The following GRAMD1A variants were observed in gnomAD, a reference collection of about 807,000 sequenced individuals.
GRAMD1A encodes protein Aster-A.
GRAMD1A carries 50 observed loss-of-function variants against 92.0 expected under a neutral mutation model. The observed-to-expected ratio is 0.54, with a 90% CI of 0.43 to 0.69. GRAMD1A has a LOEUF of 0.69. Ranked by LOEUF, GRAMD1A falls within the 30% of genes least tolerant of loss-of-function variation. The pLI, the probability that GRAMD1A is intolerant of heterozygous loss-of-function variation, is 0.00. For synonymous variants in GRAMD1A, 405 were observed against 403.6 expected, an observed-to-expected ratio of 1.00 and a Z score of -0.04; for missense variants, 819 against 978.9, an observed-to-expected ratio of 0.84 and a Z score of 2.18.
At chr19:35,022,820 C>T (rs920027920) in intron 16 of GRAMD1A, 80 bp from the exon 17 acceptor site, 11 of 1,479,494 alleles carry the variant, frequency 7.4e-6, no homozygotes, top group Admixed American at 2.0e-5. Context: ...AGAGCTGCCC[C>T]GGGTGAGGAG....
rs776804899 is a variant in GRAMD1A, at chr19:35,023,556, C to T, written c.2082+9C>T. The stretch of plus-strand genomic sequence containing the variant: ...TGGAGCTCCTGGATGAGGTAGGAGG[C>T]GCCGCTCGGGCAGGGCTCGGGGCTG... On this transcript the variant is annotated intron_variant, in intron 19 of 19. Coordinates refer to ENST00000317991, the MANE Select transcript of GRAMD1A (RefSeq NM_020895.5). The T allele has an allele frequency of 2.2e-5, 35 of 1,565,170 alleles. No homozygotes were observed. In the South Asian group the frequency reaches 2.6e-4, roughly 12 times the overall value.
rs557348063 is a variant in GRAMD1A, at chr19:35,012,308, C to T, written c.606+754C>T. ...CATGTCACCTTGCACTTCTCAGCACCATTGTCTTAAAAGGATGATGAGGTT... is the reference window on the plus strand; with the variant it reads ...CATGTCACCTTGCACTTCTCAGCACTATTGTCTTAAAAGGATGATGAGGTT... On this transcript the variant is annotated intron_variant, in intron 7 of 19. Coordinates refer to ENST00000317991, the MANE Select transcript of GRAMD1A (RefSeq NM_020895.5). 3.9e-5 allele frequency among the ~76,000 whole-genome samples: 6 copies of T among 152,368 alleles called. No individual in the cohort carries two copies. In the South Asian group the frequency reaches 1.0e-3, roughly 26 times the overall value.
At chr19:34,997,967 T>C (rs900321947), upstream of GRAMD1A, among the ~76,000 whole-genome samples, 12 of 151,174 alleles carry the variant, frequency 7.9e-5, no homozygotes, top group East Asian at 2.0e-3. Flanking sequence ...ATTCAGGAAG[T>C]TGGGGCAAGA....
In GRAMD1A at chr19:35,010,076, TC is replaced by T. The variant is rs773083805; in HGVS notation, c.326-12del. 1.3e-6 allele frequency: 2 copies of T among 1,578,488 alleles called. No homozygotes were observed. Among genetic ancestry groups the T allele is most frequent in the Non-Finnish European group, 8.7e-7 (1 of 1,147,550 alleles). ...CGTGACTTGGGTGTCCTCCTGTCTCTCCCCGCCCCTCTCAGATTACTCCTGC... is the reference window on the plus strand; with the variant it reads ...CGTGACTTGGGTGTCCTCCTGTCTCTCCCGCCCCTCTCAGATTACTCCTGC... On this transcript the variant is annotated splice_polypyrimidine_tract_variant and intron_variant, in intron 4 of 19. Transcript: ENST00000317991.
At chr19:35,011,817 G>A (rs944629312) in intron 7 of GRAMD1A, among the ~76,000 whole-genome samples, 10 of 152,336 alleles carry the variant, frequency 6.6e-5, no homozygotes, top group Admixed American at 5.9e-4. Flanking sequence ...GGTTCCACTG[G>A]CAGCGGGGGA....
Position 35,021,514 on chromosome 19 carries a change from G to A in GRAMD1A, c.1488G>A (p.Glu496=). The part of the protein sequence containing the change: ...RNKARLRVSS[E]IRYRKQPWSL... ...CTCCCAACCCCAGAGTGTCTTCTGAGATCCGCTACCGAAAGCAGCCGTGGA... is the reference window on the plus strand; with the variant it reads ...CTCCCAACCCCAGAGTGTCTTCTGAAATCCGCTACCGAAAGCAGCCGTGGA... Residue 496 remains glutamate, a synonymous_variant, in exon 14 of 20, where the codon GAG becomes GAA. Transcript: ENST00000317991. This position sits in a 1 kb window ranked among gnomAD's most constrained non-coding sequence, Gnocchi z 5.3. 1 of 1,613,812 alleles carries A rather than the reference G, an allele frequency of 6.2e-7. No homozygotes were observed. The highest frequency in any genetic ancestry group is 8.5e-7 in the Non-Finnish European group (1 of 1,179,668).
intron 19 of GRAMD1A, chr19:35,023,783 T>G: frequency 2.3e-6 from 1 of 443,372 alleles, no homozygotes; most frequent in Non-Finnish European, 4.0e-6. Flanking sequence ...CGTCTCACAT[T>G]AGGCACGGCC....
rs1419457253 is a variant in GRAMD1A, at chr19:35,011,490, T to C, written c.542T>C (p.Phe181Ser). The C allele has an allele frequency of 2.5e-6, 4 of 1,608,740 alleles. No homozygotes were observed. Among genetic ancestry groups the C allele is most frequent in the Admixed American group, 1.7e-5 (1 of 60,016 alleles). The change falls in exon 7 of 20, where the codon TTT (phenylalanine) becomes TCT (serine). Residue 181 changes from phenylalanine to serine, a missense_variant. Physicochemically the swap from Phe to Ser is radical, Grantham distance 155 (BLOSUM62 -2). Coordinates refer to ENST00000317991, the MANE Select transcript of GRAMD1A (RefSeq NM_020895.5). ...TESEKHFFTS[F>S]GARDRCFLLI... The stretch of plus-strand genomic sequence containing the variant: ...CCCTGACAGCATTTCTTCACTTCCT[T>C]TGGGGCCCGTGACCGCTGCTTCCTC...
chr19:35,011,616 A>T, intron 7 of GRAMD1A, 62 bp downstream of exon 7: 5 of 1,220,164 alleles, frequency 4.1e-6, no homozygotes, highest in Non-Finnish European at 6.0e-6. Context: ...GGAGCCAGGG[A>T]CCCCAGAACT....
At chr19:35,015,645 A>G (rs1243209711) in intron 10 of GRAMD1A, 179 bp from the exon 11 acceptor site, 1 of 558,374 alleles carries the variant, frequency 1.8e-6, no homozygotes, top group Non-Finnish European at 3.1e-6. Context: ...GGCCTGGAGC[A>G]CGTGCCCACC....
rs1205833999 is a variant in GRAMD1A, at chr19:35,021,168, TG to T, written c.1476-330del. ...ATGTTGAGCTGAGCCCATGTGGAGC[TG>T]GGGTGCAGCAGCCGAATGGAAGAGG... On this transcript the variant is annotated intron_variant, in intron 13 of 19. Coordinates refer to ENST00000317991, the MANE Select transcript of GRAMD1A (RefSeq NM_020895.5). The surrounding 1 kb of genome is among the most constrained non-coding windows in gnomAD (Gnocchi z 5.3). 2.0e-5 allele frequency among the ~76,000 whole-genome samples: 3 copies of T among 152,082 alleles called. No homozygotes were observed. Among genetic ancestry groups the T allele is most frequent in the Non-Finnish European group, 4.4e-5 (3 of 67,996 alleles).
chr19:35,002,350 A>G (rs918759696), intron 1 of GRAMD1A: 6 of 152,194 alleles, frequency 3.9e-5, no homozygotes, highest in African/African-American at 1.4e-4. Context: ...AGGGCTCTCC[A>G]CCAGCTACAG....
chr19:35,023,382 C>T (rs2016213448), intron 18 of GRAMD1A, 39 bp downstream of exon 18: 4 of 1,613,156 alleles, frequency 2.5e-6, no homozygotes, highest in South Asian at 2.2e-5. Flanking sequence ...GGCTTGGGCA[C>T]ATCGGGGGAG....
chr19:35,020,748 G>C (rs1386508890), intron 13 of GRAMD1A, among the ~76,000 whole-genome samples: 1 of 151,970 alleles, frequency 6.6e-6, no homozygotes, highest in Non-Finnish European at 1.5e-5. Context: ...CCAGGCCAGG[G>C]CTCTGAGCCA....
chr19:35,003,143 CGTGTGT>C lies in GRAMD1A; in HGVS notation c.8+2687_8+2692del, dbSNP rs60437273. 6.8e-3 allele frequency among the ~76,000 whole-genome samples: 966 copies of C among 141,146 alleles called. 8 individuals carry two copies. Among genetic ancestry groups the C allele is most frequent in the African/African-American group, 0.021 (765 of 36,330 alleles). The allele number at this position is 141,146 out of a possible 152,430, so 92.6% of individuals were successfully genotyped here. A position where few individuals can be genotyped will look rare whatever the true frequency, so the allele number is the denominator to read the frequency against. On this transcript the variant is annotated intron_variant, in intron 1 of 19. Coordinates refer to ENST00000317991, the MANE Select transcript of GRAMD1A (RefSeq NM_020895.5). ...ATACCTATGATGCTGTTGCTCTGTGCGTGTGTGTGTGTGTGTGTGTGTGTGTGTGTG... is the reference window on the plus strand; with the variant it reads ...ATACCTATGATGCTGTTGCTCTGTGCGTGTGTGTGTGTGTGTGTGTGTGTG...
At chr19:35,014,089 G>C in intron 9 of GRAMD1A, 100 bp from the exon 10 acceptor site, 1 of 1,131,924 alleles carries the variant, frequency 8.8e-7, no homozygotes, top group Non-Finnish European at 1.3e-6. Context: ...ACACCACCCC[G>C]GGTCTGCACA....
At chr19:35,011,095 C>G (rs1272819038) in intron 6 of GRAMD1A, among the ~76,000 whole-genome samples, 1 of 124,486 alleles carries the variant, frequency 8.0e-6, no homozygotes, top group African/African-American at 3.2e-5. Context: ...AAGCCAGACC[C>G]TGTCTCAAAA....
At chr19:35,000,080 G>A (rs543283850), upstream of GRAMD1A, 2,123 of 988,052 alleles carry the variant, frequency 2.1e-3, 1 homozygote, top group Non-Finnish European at 2.4e-3. The surrounding 1 kb of genome is among the most constrained non-coding windows in gnomAD (Gnocchi z 4.9). Flanking sequence ...CCCAACCTGC[G>A]GGCAGGCAGC....
At chr19:35,014,052 C>A in intron 9 of GRAMD1A, 137 bp from the exon 10 acceptor site, 1 of 808,724 alleles carries the variant, frequency 1.2e-6, no homozygotes, top group Non-Finnish European at 2.0e-6. Context: ...AGGCTGCTCG[C>A]AGCTCAGCCG....
Sources: gnomAD v4.1 joint callset for allele counts (sites outside exome capture counted in the v4.1 genomes callset) on GRCh38, gnomAD v4.1.1 for gene constraint, Gnocchi (gnomAD v3.1) non-coding constraint, MANE v1.5 for transcripts, NCBI Gene and HGNC (gene_info 2026-07-23, HGNC 2026-07-21) for gene names.